The following EML1 variants were observed in gnomAD, a reference collection of about 807,000 sequenced individuals.
The protein encoded by EML1 is echinoderm microtubule-associated protein-like 1.
EML1 carries 27 observed loss-of-function variants against 110.4 expected under a neutral mutation model. The ratio of observed to expected loss-of-function variants is 0.24; its 90% CI spans 0.18 to 0.34. The LOEUF (loss-of-function observed/expected upper bound fraction) is 0.34. EML1 is among the 10% of genes least tolerant of loss of function. The probability of loss-of-function intolerance (pLI) is 1.00; values close to 1 mark genes in which losing one functional copy is unlikely to be tolerated. For synonymous variants in EML1, 344 were observed against 385.8 expected, an observed-to-expected ratio of 0.89 and a Z score of 1.27; for missense variants, 741 against 1,030.9, an observed-to-expected ratio of 0.72 and a Z score of 3.85.
intron 1 of EML1, among the ~76,000 whole-genome samples, chr14:99,798,866 C>A (rs971553228): frequency 6.6e-6 from 1 of 151,960 alleles, no homozygotes; most frequent in Admixed American, 6.6e-5. Flanking sequence ...CTCGAACAGG[C>A]AGAGCCCTAT....
At position 99,784,882 on chromosome 14, in the gene EML1, G is replaced by GA. The variant is rs2140220169; in HGVS notation, c.-27+10871dup. Among the ~76,000 whole-genome samples the GA allele has an allele frequency of 6.6e-6, 1 of 152,310 alleles. No individual in the cohort carries two copies. Among genetic ancestry groups the GA allele is most frequent in the African/African-American group, 2.4e-5 (1 of 41,572 alleles). On this transcript the variant is annotated intron_variant, in intron 1 of 22. Coordinates refer to the EML1 transcript ENST00000327921. The surrounding 1 kb of genome is among the most constrained non-coding windows in gnomAD (Gnocchi z 4.5). ...AGTGGAAAGACATTTCCAACAGCAG[G>GA]AATCTCACAACCAAAGCCCCAGGGG... is the stretch of plus-strand genomic sequence containing the variant.
intron 4 of EML1, among the ~76,000 whole-genome samples, chr14:99,888,709 G>A (rs774740603): frequency 1.2e-4 from 18 of 152,204 alleles, no homozygotes; most frequent in Non-Finnish European, 2.5e-4. Flanking sequence ...ATGGAGCTGA[G>A]GACAGAAAGT....
chr14:99,911,721 C>A (rs1381137673), intron 13 of EML1, 145 bp downstream of exon 13: 3 of 927,446 alleles, frequency 3.2e-6, no homozygotes, highest in Non-Finnish European at 4.7e-6. Flanking sequence ...TTATTAAAAT[C>A]CTGAGGCAGG....
intron 1 of EML1, among the ~76,000 whole-genome samples, chr14:99,820,811 A>T (rs772674756): frequency 6.6e-6 from 1 of 151,940 alleles, no homozygotes; most frequent in Admixed American, 6.6e-5. Context: ...CTACAAGGAG[A>T]TGAGGAAAAG....
At chr14:99,806,141 C>G (rs1303607580) in intron 1 of EML1, among the ~76,000 whole-genome samples, 1 of 152,046 alleles carries the variant, frequency 6.6e-6, no homozygotes. Flanking sequence ...TTACAGAATC[C>G]TAAACTGAAT....
intron 17 of EML1, among the ~76,000 whole-genome samples, chr14:99,924,623 T>C (rs1018839326): frequency 6.6e-6 from 1 of 152,218 alleles, no homozygotes; most frequent in Non-Finnish European, 1.5e-5. Context: ...CCACAGAAAG[T>C]TGTTTCAGTC....
At position 99,784,249 on chromosome 14, in the gene EML1, C is replaced by T. The variant is rs983481861; in HGVS notation, c.-27+10236C>T. ...CTGGGACCACAGGCACATGCTACCA[C>T]GCTTGGCTAATTTTTGTGTTTTGTA... is the stretch of plus-strand genomic sequence containing the variant. On this transcript the variant is annotated intron_variant, in intron 1 of 22. Coordinates refer to the EML1 transcript ENST00000327921. The surrounding 1 kb of genome is among the most constrained non-coding windows in gnomAD (Gnocchi z 4.5). 9.2e-5 allele frequency among the ~76,000 whole-genome samples: 14 copies of T among 152,162 alleles called. No homozygotes were observed. Among genetic ancestry groups the T allele is most frequent in the Non-Finnish European group, 1.6e-4 (11 of 68,030 alleles).
intron 1 of EML1, chr14:99,850,408 C>A: frequency 8.3e-7 from 1 of 1,210,660 alleles, no homozygotes; most frequent in Non-Finnish European, 1.1e-6. Context: ...GAGTCTTGAC[C>A]GATGGATAGG....
intron 2 of EML1, among the ~76,000 whole-genome samples, chr14:99,852,269 C>T (rs540211164): frequency 1.4e-4 from 22 of 152,280 alleles, no homozygotes; most frequent in African/African-American, 5.1e-4. Context: ...CTGTAAGATG[C>T]CTTTGGCTAA....
intron 1 of EML1, among the ~76,000 whole-genome samples, chr14:99,753,921 C>T (rs1268750786): frequency 2.0e-5 from 3 of 152,218 alleles, no homozygotes; most frequent in Non-Finnish European, 2.9e-5. Context: ...CACACAGCTA[C>T]TCCATGGAGG....
At chr14:99,772,523 TG>T (rs2057437883), upstream of EML1, among the ~76,000 whole-genome samples, 1 of 152,194 alleles carries the variant, frequency 6.6e-6, no homozygotes, top group African/African-American at 2.4e-5. Flanking sequence ...ACTCACCCCC[TG>T]GGGGTTGATT....
chr14:99,777,611 G>T (rs910073532), intron 1 of EML1, among the ~76,000 whole-genome samples: 2 of 152,050 alleles, frequency 1.3e-5, no homozygotes, highest in African/African-American at 4.8e-5. Flanking sequence ...GTAGAGACGG[G>T]GTTTCACCAC....
chr14:99,811,396 T>C (rs1001209748), intron 1 of EML1, among the ~76,000 whole-genome samples: 2 of 147,918 alleles, frequency 1.4e-5, no homozygotes, highest in Non-Finnish European at 3.1e-5. Flanking sequence ...CAGCTTACTA[T>C]TGACCGGAAC....
chr14:99,870,584 T>A (rs192237145), intron 3 of EML1, among the ~76,000 whole-genome samples: 1 of 152,346 alleles, frequency 6.6e-6, no homozygotes, highest in East Asian at 1.9e-4. Context: ...AAGGACAGAC[T>A]GACTCTTGTT....
intron 1 of EML1, among the ~76,000 whole-genome samples, chr14:99,767,805 C>G (rs1483864507): frequency 2.6e-5 from 4 of 152,140 alleles, no homozygotes; most frequent in Non-Finnish European, 5.9e-5. Flanking sequence ...TCCTCAAGGC[C>G]TCCCCCAAGT....
At chr14:99,811,089 C>T (rs1481326685) in intron 1 of EML1, among the ~76,000 whole-genome samples, 1 of 148,762 alleles carries the variant, frequency 6.7e-6, no homozygotes, top group Non-Finnish European at 1.5e-5. Context: ...TCACCTCATA[C>T]ACGGTTGACC....
intron 1 of EML1, among the ~76,000 whole-genome samples, chr14:99,761,343 G>T (rs945990530): frequency 2.6e-5 from 4 of 152,178 alleles, no homozygotes; most frequent in African/African-American, 9.7e-5. Flanking sequence ...ATTAATATTT[G>T]TGGAGTGGCT....
At chr14:99,909,993 A>T (rs1052504943) in intron 11 of EML1, among the ~76,000 whole-genome samples, 2 of 152,060 alleles carry the variant, frequency 1.3e-5, no homozygotes, top group African/African-American at 4.8e-5. Flanking sequence ...TGCTGTCTGC[A>T]GCTTTATGAT....
At chr14:99,877,323 G>C (rs2059309270) in intron 3 of EML1, among the ~76,000 whole-genome samples, 1 of 152,106 alleles carries the variant, frequency 6.6e-6, no homozygotes, top group African/African-American at 2.4e-5. Flanking sequence ...GAGGGTTAGG[G>C]TTTCCACACA....
Sources: allele counts gnomAD v4.1 joint callset (sites outside exome capture counted in the v4.1 genomes callset), GRCh38; gene constraint gnomAD v4.1.1; non-coding constraint Gnocchi (gnomAD v3.1); transcripts MANE v1.5; gene names NCBI Gene and HGNC (gene_info 2026-07-23, HGNC 2026-07-21).